The following RPF2 variants were observed in gnomAD, a reference collection of about 807,000 sequenced individuals.
RPF2 encodes the protein brix domain containing 1.
A neutral mutation model predicts 38.9 loss-of-function variants in RPF2; 21 were observed. That is an observed-to-expected ratio of 0.54 (90% CI 0.38 to 0.78). RPF2 has a LOEUF of 0.78. Among genes scored for constraint, RPF2 ranks in the 30% least tolerant of loss-of-function variants. RPF2 has a pLI of 0.00. For missense variants in RPF2, 314 were observed against 358.1 expected (o/e 0.88, Z 0.99); for synonymous variants, 121 against 126.2 (o/e 0.96, Z 0.28).
At position 110,993,002 on chromosome 6, in the gene RPF2, G is replaced by A. The variant is rs530004731; in HGVS notation, c.234+1216G>A. The stretch of plus-strand genomic sequence containing the variant: ...TTTTGAAATAGGGTCTGGCTCTGTT[G>A]CCTAGGCTGGAGTGCATTGGAATGA... On this transcript the variant is annotated intron_variant, in intron 4 of 9. Coordinates refer to ENST00000441448, the MANE Select transcript of RPF2 (RefSeq NM_032194.3). Among the ~76,000 whole-genome samples, 3 of 152,278 alleles carry A rather than the reference G, an allele frequency of 2.0e-5. No individual in the cohort carries two copies. In the East Asian group the frequency reaches 5.8e-4, roughly 29 times the overall value.
intron 8 of RPF2, among the ~76,000 whole-genome samples, chr6:111,016,515 T>C (rs1228138870): frequency 6.6e-6 from 1 of 151,318 alleles, no homozygotes; most frequent in Non-Finnish European, 1.5e-5. Flanking sequence ...AAAAATCGCT[T>C]GAACCTGGGA....
At chr6:110,999,620 A>G in intron 5 of RPF2, 91 bp from the exon 6 acceptor site, 1 of 773,872 alleles carries the variant, frequency 1.3e-6, no homozygotes, top group Non-Finnish European at 2.3e-6. Context: ...AGAGGCAGAT[A>G]TTAGGACATT....
intron 7 of RPF2, among the ~76,000 whole-genome samples, chr6:111,015,150 T>C (rs1430119798): frequency 6.6e-6 from 1 of 152,224 alleles, no homozygotes; most frequent in East Asian, 1.9e-4. Context: ...AATAAATACG[T>C]AGTAAATTAT....
At chr6:111,022,193 A>G (rs193152417) in intron 8 of RPF2, among the ~76,000 whole-genome samples, 47 of 152,338 alleles carry the variant, frequency 3.1e-4, no homozygotes, top group African/African-American at 1.1e-3. Context: ...AGCAAACATA[A>G]CATTCTAATT....
chr6:110,987,676 T>C (rs1771547073), intron 2 of RPF2, among the ~76,000 whole-genome samples: 1 of 152,132 alleles, frequency 6.6e-6, no homozygotes, highest in Admixed American at 6.5e-5. Context: ...TCATCAAAAG[T>C]TTTAGTACTT....
Position 111,010,689 on chromosome 6 carries a change from T to C in RPF2, c.493+2552T>C, listed in dbSNP as rs557869661. Reference sequence around the variant, plus strand: ...TTGTTACCCTTGTTTTAAATTTTTATATACTTTGCTGTAGATCACTTTTGA... The same window carrying C: ...TTGTTACCCTTGTTTTAAATTTTTACATACTTTGCTGTAGATCACTTTTGA... On this transcript the variant is annotated intron_variant, in intron 7 of 9. Coordinates refer to ENST00000441448, the MANE Select transcript of RPF2 (RefSeq NM_032194.3). 6.8e-4 allele frequency among the ~76,000 whole-genome samples: 103 copies of C among 152,352 alleles called. 1 individual carries two copies. Among genetic ancestry groups the C allele is most frequent in the African/African-American group, 2.4e-3 (101 of 41,588 alleles).
At chr6:110,985,700 G>A (rs1280528997) in intron 2 of RPF2, among the ~76,000 whole-genome samples, 1 of 152,140 alleles carries the variant, frequency 6.6e-6, no homozygotes, top group Non-Finnish European at 1.5e-5. Context: ...AGCACTTTGG[G>A]AGGCCGAGGC....
At chr6:110,994,314 G>A (rs1160629468) in intron 4 of RPF2, among the ~76,000 whole-genome samples, 4 of 151,464 alleles carry the variant, frequency 2.6e-5, no homozygotes, top group Admixed American at 1.3e-4. Flanking sequence ...GCTGGGCACC[G>A]TGGTTCATAC....
At chr6:110,985,935 CAAAAAAAAA>C (rs71770271) in intron 2 of RPF2, among the ~76,000 whole-genome samples, 1 of 104,582 alleles carries the variant, frequency 9.6e-6, no homozygotes, top group Non-Finnish European at 2.1e-5. Flanking sequence ...GACTCCATTT[CAAAAAAAAA>C]AAAAAAAAAT....
At chr6:111,009,943 G>T (rs915154223) in intron 7 of RPF2, among the ~76,000 whole-genome samples, 8 of 152,092 alleles carry the variant, frequency 5.3e-5, no homozygotes, top group African/African-American at 1.9e-4. Flanking sequence ...AGAGTGCTGG[G>T]ATTACAGGTG....
intron 1 of RPF2, 88 bp downstream of exon 1, chr6:110,982,217 C>T (rs1771444373): frequency 1.4e-6 from 2 of 1,435,628 alleles, no homozygotes; most frequent in Admixed American, 1.7e-5. Context: ...CTCACTCTTC[C>T]TGGTTACCCC....
intron 6 of RPF2, among the ~76,000 whole-genome samples, chr6:111,000,323 G>A (rs1178292921): frequency 1.3e-5 from 2 of 152,104 alleles, no homozygotes; most frequent in African/African-American, 4.8e-5. Flanking sequence ...TTCCCATGTT[G>A]CCTAGGCTGG....
chr6:111,021,507 G>T (rs1772234841), intron 8 of RPF2, among the ~76,000 whole-genome samples: 1 of 152,202 alleles, frequency 6.6e-6, no homozygotes, highest in Non-Finnish European at 1.5e-5. Context: ...GGGAGGAAGG[G>T]GTGGTCCAGG....
chr6:111,009,418 CCTGACTTCAGGCGAT>C, intron 7 of RPF2, among the ~76,000 whole-genome samples: 1 of 151,400 alleles, frequency 6.6e-6, no homozygotes, highest in Middle Eastern at 3.2e-3. Context: ...GTCTTGAACT[CCTGACTTCAGGCGAT>C]CCACCCTCCT....
At chr6:110,984,349 GAA>G (rs992893535) in intron 1 of RPF2, among the ~76,000 whole-genome samples, 8 of 151,740 alleles carry the variant, frequency 5.3e-5, no homozygotes, top group Non-Finnish European at 8.8e-5. Flanking sequence ...GAAGAAAAAA[GAA>G]GAGTAAGAAA....
At chr6:110,997,991 G>A (rs769127905) in intron 5 of RPF2, among the ~76,000 whole-genome samples, 5 of 148,780 alleles carry the variant, frequency 3.4e-5, no homozygotes, top group Middle Eastern at 3.4e-3. Flanking sequence ...TACAACCTCC[G>A]CCTCCCGAGT....
At chr6:111,001,630 C>T (rs527291235) in intron 6 of RPF2, among the ~76,000 whole-genome samples, 48 of 152,242 alleles carry the variant, frequency 3.2e-4, no homozygotes, top group Non-Finnish European at 5.9e-4. Flanking sequence ...TCCTCAGCCT[C>T]CCAAAGTGCT....
intron 5 of RPF2, among the ~76,000 whole-genome samples, chr6:110,998,365 C>T (rs1470963666): frequency 6.6e-6 from 1 of 152,116 alleles, no homozygotes; most frequent in Non-Finnish European, 1.5e-5. Flanking sequence ...ATTTTGCCTC[C>T]TAGTGTGCAT....
chr6:111,006,742 G>A (rs180730024), intron 6 of RPF2, among the ~76,000 whole-genome samples: 106 of 152,228 alleles, frequency 7.0e-4, no homozygotes, highest in Middle Eastern at 3.4e-3. Flanking sequence ...GAGTGGCTGG[G>A]ACCATAGGCA....
Sources: gnomAD v4.1 joint callset for allele counts (sites outside exome capture counted in the v4.1 genomes callset) on GRCh38, gnomAD v4.1.1 for gene constraint, MANE v1.5 for transcripts, NCBI Gene and HGNC (gene_info 2026-07-23, HGNC 2026-07-21) for gene names.